Variants in PCDHA5 observed in about 807,000 individuals in gnomAD.
PCDHA5 encodes the protein protocadherin alpha 5, also known as protocadherin alpha-5.
PCDHA5 carries 43 observed loss-of-function variants against 61.6 expected under a neutral mutation model. The ratio of observed to expected loss-of-function variants is 0.70; its 90% CI spans 0.55 to 0.90. The LOEUF (loss-of-function observed/expected upper bound fraction) is 0.90, where lower values mean the gene tolerates loss of function less well. PCDHA5 is among the 40% of genes least tolerant of loss of function. The pLI is 0.00. For synonymous variants in PCDHA5, 627 were observed against 543.9 expected (o/e 1.15, Z -2.13); for missense variants, 1,298 against 1,222.7 (o/e 1.06, Z -0.92).
chr5:140,967,969 C>T (rs997628696), intron 1 of PCDHA5: 3 of 1,614,064 alleles, frequency 1.9e-6, no homozygotes, highest in African/African-American at 1.3e-5. Flanking sequence ...GGAAAGTGAG[C>T]CTGGGTCTGG....
chr5:140,822,864 A>T lies in PCDHA5; in HGVS notation c.1089A>T (p.Pro363=), dbSNP rs2150119903. ...TCCTGCCTGTCAAAGAGGACGCTCC[A>T]CTCAGCACGGTCATTGCTCTGATCA... is the stretch of plus-strand genomic sequence containing the variant. ...TLFLPVKEDA[P]LSTVIALISV... The change falls in exon 1 of 4, where the codon CCA becomes CCT. Residue 363 remains proline, a synonymous_variant. Transcript: ENST00000529859. The T allele has an allele frequency of 6.2e-6, 10 of 1,614,160 alleles. No homozygotes were observed. In the East Asian group the frequency reaches 1.6e-4, roughly 25 times the overall value.
At chr5:140,877,696 T>C (rs1554169994) in intron 1 of PCDHA5, 1 of 1,613,838 alleles carries the variant, frequency 6.2e-7, no homozygotes, top group South Asian at 1.1e-5. Flanking sequence ...GCTGGTGTGC[T>C]CCAGCGCCGT....
intron 1 of PCDHA5, chr5:140,927,936 A>G: frequency 6.2e-7 from 1 of 1,614,246 alleles, no homozygotes; most frequent in East Asian, 2.2e-5. Context: ...TTTCGAACCC[A>G]GTACCTGAGG....
At chr5:140,926,899 G>T (rs1554203765) in intron 1 of PCDHA5, 28 of 1,552,028 alleles carry the variant, frequency 1.8e-5, no homozygotes, top group Non-Finnish European at 2.4e-5. Context: ...GAGGATGGTG[G>T]GCTGTGGGGT....
At chr5:140,994,998 G>A (rs2097659261) in intron 3 of PCDHA5, among the ~76,000 whole-genome samples, 1 of 152,150 alleles carries the variant, frequency 6.6e-6, no homozygotes, top group African/African-American at 2.4e-5. Context: ...AGGTTAGTTG[G>A]TTTGTTTATA....
rs2150240136 is a variant in PCDHA5, at chr5:140,835,634, T to G, written c.2352+11507T>G. 6.8e-6 allele frequency: 11 copies of G among 1,613,690 alleles called. No homozygotes were observed. The highest frequency in any genetic ancestry group is 1.1e-5 in the South Asian group (1 of 91,070). On this transcript the variant is annotated intron_variant, in intron 1 of 3. Transcript: ENST00000529859. The stretch of plus-strand genomic sequence containing the variant: ...TGGACAGCGCTCTGGACCGCGAGAG[T>G]GTGTCCGCCTATGAGCTGGTGGTTA...
At chr5:140,877,417 G>T (rs782190793) in intron 1 of PCDHA5, 5 of 1,613,822 alleles carry the variant, frequency 3.1e-6, no homozygotes, top group Admixed American at 1.7e-5. Context: ...CCGCCTGCTG[G>T]TGCTGGTGAA....
At chr5:140,861,334 A>G in intron 1 of PCDHA5, 1 of 250,308 alleles carries the variant, frequency 4.0e-6, no homozygotes, top group Non-Finnish European at 8.2e-6. Context: ...CCATCCTGGA[A>G]GAGGCCAAGG....
intron 1 of PCDHA5, among the ~76,000 whole-genome samples, chr5:140,926,209 T>C (rs553307318): frequency 1.8e-3 from 269 of 152,150 alleles, no homozygotes; most frequent in African/African-American, 6.3e-3. Flanking sequence ...GGGGGGCTCC[T>C]GTTTCCTTAA....
At chr5:140,829,606 G>A (rs2150171112) in intron 1 of PCDHA5, 1 of 1,612,068 alleles carries the variant, frequency 6.2e-7, no homozygotes. Flanking sequence ...GCGCGTTGTC[G>A]AGCTACATTT....
intron 1 of PCDHA5, among the ~76,000 whole-genome samples, chr5:140,921,599 G>A (rs2080288942): frequency 6.6e-6 from 1 of 152,036 alleles, no homozygotes; most frequent in African/African-American, 2.4e-5. Flanking sequence ...GGTTTCAAAG[G>A]TAATAAGAAA....
intron 1 of PCDHA5, among the ~76,000 whole-genome samples, chr5:140,874,496 T>G (rs1352627184): frequency 3.9e-5 from 6 of 152,214 alleles, no homozygotes; most frequent in African/African-American, 1.4e-4. Context: ...TGATATCAAG[T>G]TCACATTCTC....
intron 1 of PCDHA5, among the ~76,000 whole-genome samples, chr5:140,925,065 G>C (rs782540022): frequency 2.0e-5 from 3 of 151,188 alleles, no homozygotes; most frequent in Non-Finnish European, 4.4e-5. Flanking sequence ...GGGCAACAAA[G>C]CAACACGCTC....
In PCDHA5 at chr5:140,849,592, G is replaced by A. The variant is rs2040979573; in HGVS notation, c.2352+25465G>A. 1.3e-6 allele frequency: 2 copies of A among 1,598,672 alleles called. No individual in the cohort carries two copies. The highest frequency in any genetic ancestry group is 1.7e-6 in the Non-Finnish European group (2 of 1,167,964). On this transcript the variant is annotated intron_variant, in intron 1 of 3. Coordinates refer to ENST00000529859, the MANE Select transcript of PCDHA5 (RefSeq NM_018908.3). Reference sequence around the variant, plus strand: ...CCTGTAAAAGAGGACGCACAACTGGGGACAGTTATTGCCCTGATTAGTGTG... The same window carrying A: ...CCTGTAAAAGAGGACGCACAACTGGAGACAGTTATTGCCCTGATTAGTGTG...
rs2150355874 is a variant in PCDHA5, at chr5:140,843,244, C to G, written c.2352+19117C>G. 38 of 1,595,906 alleles carry G rather than the reference C, an allele frequency of 2.4e-5. 6 individuals carry two copies. The Middle Eastern group carries it at 6.6e-4, about 28-fold the overall frequency. On this transcript the variant is annotated intron_variant, in intron 1 of 3. Transcript: ENST00000529859. ...CCACTCGTGTCCTGGACGAAGCGGA[C>G]TCTCCGCGCCACCGTCTGCTGGTCC...
chr5:140,887,496 A>G (rs1351125742), intron 1 of PCDHA5, among the ~76,000 whole-genome samples: 1 of 152,072 alleles, frequency 6.6e-6, no homozygotes, highest in Non-Finnish European at 1.5e-5. Context: ...CATAGTTTCT[A>G]ATAAGATGTT....
rs1439060369 is a variant in PCDHA5, at chr5:140,850,679, C to T, written c.2352+26552C>T. On this transcript the variant is annotated intron_variant, in intron 1 of 3. Transcript: ENST00000529859. ...TGCTGCGGTGCTCGGCGATGCCCAC[C>T]GAGGGCGAGTGCGCGCCTGGCAAGC... The T allele has an allele frequency of 1.4e-5, 22 of 1,598,378 alleles. 1 individual carries two copies. The highest frequency in any genetic ancestry group is 3.4e-5 in the Admixed American group (2 of 59,276).
chr5:140,863,399 A>G, intron 1 of PCDHA5: 2 of 871,986 alleles, frequency 2.3e-6, no homozygotes, highest in Non-Finnish European at 3.6e-6. Context: ...ATGCCGGGCA[A>G]GCCCACGCTG....
intron 1 of PCDHA5, among the ~76,000 whole-genome samples, chr5:140,892,375 A>G (rs1032467069): frequency 1.3e-5 from 2 of 152,226 alleles, no homozygotes; most frequent in African/African-American, 4.8e-5. Flanking sequence ...GGCACTAGCA[A>G]TCATGGGTAA....
Sources: gnomAD v4.1 joint callset for allele counts (sites outside exome capture counted in the v4.1 genomes callset) on GRCh38, gnomAD v4.1.1 for gene constraint, MANE v1.5 for transcripts, NCBI Gene and HGNC (gene_info 2026-07-23, HGNC 2026-07-21) for gene names.